Variants in ETS1 observed in about 807,000 individuals in gnomAD.
ETS1 encodes the protein ETS proto-oncogene 1, transcription factor, also known as protein C-ets-1.
Under a neutral mutation model 58.6 loss-of-function variants are expected in ETS1, and 15 were observed. The observed-to-expected ratio is 0.26, with a 90% CI of 0.17 to 0.39. ETS1 has a LOEUF of 0.39. Ranked by LOEUF, ETS1 falls within the 10% of genes least tolerant of loss-of-function variation. The pLI, the probability that ETS1 is intolerant of heterozygous loss-of-function variation, is 1.00. For synonymous variants in ETS1, 214 were observed against 218.2 expected (o/e 0.98, Z 0.17); for missense variants, 417 against 610.5 (o/e 0.68, Z 3.34).
At position 128,463,238 on chromosome 11, in the gene ETS1, A is replaced by C. The variant is rs560856861; in HGVS notation, c.1242+271T>G. Among the ~76,000 whole-genome samples, 61 of 152,238 alleles carry C rather than the reference A, an allele frequency of 4.0e-4. No individual in the cohort carries two copies. Among genetic ancestry groups the C allele is most frequent in the Non-Finnish European group, 7.9e-4 (54 of 68,034 alleles). ...AGGAAGAGGCTAAGTCACAGGAGGC[A>C]GCTCTATGGGTGATAACTGACCTAC... On this transcript the variant is annotated intron_variant, in intron 9 of 9. Transcript: ENST00000392668. This position sits in a 1 kb window ranked among gnomAD's most constrained non-coding sequence, Gnocchi z 4.1.
chr11:128,553,868 A>G (rs1864272219), intron 3 of ETS1, among the ~76,000 whole-genome samples: 1 of 151,954 alleles, frequency 6.6e-6, no homozygotes, highest in African/African-American at 2.4e-5. Context: ...GTGAAGGGGG[A>G]GCAGTGGTGG....
intron 3 of ETS1, among the ~76,000 whole-genome samples, chr11:128,515,367 A>C (rs1191500166): frequency 2.6e-5 from 4 of 152,134 alleles, no homozygotes; most frequent in Non-Finnish European, 4.4e-5. Flanking sequence ...CAAAGCTACC[A>C]AGAGGTTTCA....
At chr11:128,569,364 CAG>C (rs1433508526) in intron 2 of ETS1, among the ~76,000 whole-genome samples, 8 of 89,280 alleles carry the variant, frequency 9.0e-5, no homozygotes, top group African/African-American at 3.1e-4. Context: ...CTAACTAAAT[CAG>C]AGACTAGGGC....
At chr11:128,469,738 C>G (rs1223710347) in intron 8 of ETS1, among the ~76,000 whole-genome samples, 1 of 152,114 alleles carries the variant, frequency 6.6e-6, no homozygotes, top group Non-Finnish European at 1.5e-5. Flanking sequence ...CAATCAAGAC[C>G]CTGAGAAAAT....
chr11:128,475,773 G>A (rs572105118), intron 8 of ETS1, among the ~76,000 whole-genome samples: 4 of 152,006 alleles, frequency 2.6e-5, no homozygotes, highest in East Asian at 1.9e-4. Context: ...GGATGGTCTC[G>A]ATCTCCTGAC....
At chr11:128,536,493 C>T (rs1400301192) in intron 3 of ETS1, 5 of 152,056 alleles carry the variant, frequency 3.3e-5, no homozygotes, top group African/African-American at 1.2e-4. Context: ...ATATTGGGTA[C>T]AAGAATTCAA....
At chr11:128,501,772 C>T (rs557356301) in intron 3 of ETS1, among the ~76,000 whole-genome samples, 1 of 152,226 alleles carries the variant, frequency 6.6e-6, no homozygotes, top group East Asian at 1.9e-4. Context: ...ATCATTAGAT[C>T]CACATATCTT....
At chr11:128,462,640 T>C in intron 9 of ETS1, 64 bp from the exon 10 acceptor site, 1 of 1,209,406 alleles carries the variant, frequency 8.3e-7, no homozygotes, top group East Asian at 2.3e-5. Context: ...GCCAAATATA[T>C]ATGTTTCTAT....
intron 1 of ETS1, among the ~76,000 whole-genome samples, chr11:128,585,002 GGAAA>G (rs1270185616): frequency 6.5e-5 from 1 of 15,498 alleles, no homozygotes; most frequent in Non-Finnish European, 1.2e-4. Flanking sequence ...AAGGAAGGAA[GGAAA>G]GAAAGGAAAG....
chr11:128,562,507 G>A (rs767178263), intron 2 of ETS1, among the ~76,000 whole-genome samples: 18 of 152,252 alleles, frequency 1.2e-4, no homozygotes, highest in South Asian at 2.1e-4. Context: ...TTCTCTGCTC[G>A]TCATATGCAG....
At chr11:128,470,233 G>A (rs935056835) in intron 8 of ETS1, among the ~76,000 whole-genome samples, 6 of 152,174 alleles carry the variant, frequency 3.9e-5, no homozygotes, top group Non-Finnish European at 5.9e-5. Flanking sequence ...ACGAAAGGAG[G>A]AGGAGTGTCA....
At chr11:128,553,448 A>G (rs1302677836) in intron 3 of ETS1, among the ~76,000 whole-genome samples, 1 of 145,540 alleles carries the variant, frequency 6.9e-6, no homozygotes, top group Non-Finnish European at 1.5e-5. Context: ...TCCCTTTCCC[A>G]TTCATCTTTC....
chr11:128,536,535 A>C (rs1863975542), intron 3 of ETS1: 1 of 152,220 alleles, frequency 6.6e-6, no homozygotes, highest in African/African-American at 2.4e-5. Context: ...AGAGATCTTA[A>C]GAGCTTAAGA....
chr11:128,509,917 T>C (rs1863347705), intron 3 of ETS1, among the ~76,000 whole-genome samples: 3 of 152,358 alleles, frequency 2.0e-5, no homozygotes, highest in East Asian at 1.9e-4. Flanking sequence ...AATGTGATTA[T>C]GTATTTCTGT....
At chr11:128,573,178 A>T (rs1864673384) in intron 1 of ETS1, 34 bp from the exon 2 acceptor site, 1 of 1,460,554 alleles carries the variant, frequency 6.8e-7, no homozygotes. Context: ...GAGCCTCTGG[A>T]TGCTCACAGG....
intron 3 of ETS1, among the ~76,000 whole-genome samples, chr11:128,500,390 A>G (rs1314544263): frequency 6.6e-6 from 1 of 152,154 alleles, no homozygotes; most frequent in African/African-American, 2.4e-5. Context: ...CAACTTTCTT[A>G]TTTATTTATA....
intron 3 of ETS1, among the ~76,000 whole-genome samples, chr11:128,541,943 T>C (rs561734511): frequency 8.5e-4 from 129 of 152,272 alleles, no homozygotes; most frequent in Middle Eastern, 3.4e-3. Context: ...ACGAGAACAA[T>C]GTGGAAGATA....
At chr11:128,468,200 C>CT (rs1214414217) in intron 8 of ETS1, among the ~76,000 whole-genome samples, 5 of 152,198 alleles carry the variant, frequency 3.3e-5, no homozygotes, top group African/African-American at 1.2e-4. Context: ...AGGCAACAAT[C>CT]TCACTTTTTA....
At chr11:128,550,744 A>C (rs1864216123) in intron 3 of ETS1, among the ~76,000 whole-genome samples, 1 of 152,220 alleles carries the variant, frequency 6.6e-6, no homozygotes, top group African/African-American at 2.4e-5. Flanking sequence ...GCAGAATCCA[A>C]AAAGGTCCAT....
Sources: allele counts gnomAD v4.1 joint callset (sites outside exome capture counted in the v4.1 genomes callset), GRCh38; gene constraint gnomAD v4.1.1; non-coding constraint Gnocchi (gnomAD v3.1); transcripts MANE v1.5; gene names NCBI Gene and HGNC (gene_info 2026-07-23, HGNC 2026-07-21).